DCLRE1C: variants seen among roughly 807,000 people sequenced by gnomAD.
DCLRE1C encodes the protein DNA cross-link repair 1C.
DCLRE1C carries 47 observed loss-of-function variants against 61.4 expected under a neutral mutation model. That is an observed-to-expected ratio of 0.77 (90% CI 0.61 to 0.98). The LOEUF (loss-of-function observed/expected upper bound fraction) is 0.98, where lower values mean the gene tolerates loss of function less well. Ranked by LOEUF, DCLRE1C falls within the 50% of genes least tolerant of loss-of-function variation. DCLRE1C has a pLI of 0.00. For missense variants in DCLRE1C, 858 were observed against 816.0 expected, an observed-to-expected ratio of 1.05 and a Z score of -0.63; for synonymous variants, 337 against 287.6, an observed-to-expected ratio of 1.17 and a Z score of -1.74.
At chr10:14,910,459 C>A (rs1176568675) in intron 13 of DCLRE1C, among the ~76,000 whole-genome samples, 1 of 152,180 alleles carries the variant, frequency 6.6e-6, no homozygotes, top group African/African-American at 2.4e-5. Flanking sequence ...GATCCACCCC[C>A]ATGCCCAGCT....
intron 9 of DCLRE1C, among the ~76,000 whole-genome samples, chr10:14,931,944 G>A (rs1839070654): frequency 6.6e-6 from 1 of 152,020 alleles, no homozygotes; most frequent in Non-Finnish European, 1.5e-5. Flanking sequence ...TGAGGCAGGA[G>A]AATCGCTTGA....
In DCLRE1C at chr10:14,933,467, T is replaced by A. The variant is rs543731573; in HGVS notation, c.679-512A>T. 1.7e-4 allele frequency among the ~76,000 whole-genome samples: 26 copies of A among 152,138 alleles called. No homozygotes were observed. The South Asian group carries it at 5.4e-3, about 32-fold the overall frequency. On this transcript the variant is annotated intron_variant, in intron 8 of 13. Coordinates refer to ENST00000378278, the MANE Select transcript of DCLRE1C (RefSeq NM_001033855.3). ...GCCTGGCCAACATGGTGAAGCCCCATCTCTACTAAAAATACAAAAATTAGC... is the reference window on the plus strand; with the variant it reads ...GCCTGGCCAACATGGTGAAGCCCCAACTCTACTAAAAATACAAAAATTAGC...
At chr10:14,903,745 G>A (rs997977359), downstream of DCLRE1C, 2 of 152,148 alleles carry the variant, frequency 1.3e-5, no homozygotes, top group African/African-American at 4.8e-5. Flanking sequence ...TTCTAATTGT[G>A]TTGTGAAAAT....
rs1415836473 is a variant in DCLRE1C at position 14,905,352 on chromosome 10, A to G, written c.*3056T>C. Among the ~76,000 whole-genome samples, 1 of 152,254 alleles carries G rather than the reference A, an allele frequency of 6.6e-6. No individual in the cohort carries two copies. The highest frequency in any genetic ancestry group is 1.5e-5 in the Non-Finnish European group (1 of 68,040). ...TTTTGAGCATTGTCACTCACCAGGTACGTAAACATACTATGGTAAGTACTG... is the reference window on the plus strand; with the variant it reads ...TTTTGAGCATTGTCACTCACCAGGTGCGTAAACATACTATGGTAAGTACTG... On this transcript the variant is annotated 3_prime_UTR_variant, in exon 14 of 14. Transcript: ENST00000378278.
At chr10:14,945,288 A>C in intron 2 of DCLRE1C, 99 bp from the exon 3 acceptor site, 19 of 1,423,224 alleles carry the variant, frequency 1.3e-5, no homozygotes, top group Non-Finnish European at 1.7e-5. Context: ...ATTTCATTTG[A>C]GACCAGTCTG....
chr10:14,945,034 T>A (rs1841464075), intron 3 of DCLRE1C, 71 bp downstream of exon 3: 1 of 1,218,120 alleles, frequency 8.2e-7, no homozygotes. Context: ...TGAGGCAAAG[T>A]TTTTGTCAAT....
chr10:14,897,709 A>G (rs1178093786), exon 14 of DCLRE1C: 3 of 406,854 alleles, frequency 7.4e-6, no homozygotes, highest in Non-Finnish European at 1.2e-5. Context: ...ATATGAATAA[A>G]AAATATACGT....
At chr10:14,899,371 T>C in intron 13 of DCLRE1C, 1 of 743,036 alleles carries the variant, frequency 1.3e-6, no homozygotes, top group Admixed American at 2.3e-5. Flanking sequence ...CCCCTCATTT[T>C]CCCACCTCTT....
intron 3 of DCLRE1C, among the ~76,000 whole-genome samples, chr10:14,942,735 T>G (rs1442766576): frequency 6.6e-6 from 1 of 152,134 alleles, no homozygotes; most frequent in African/African-American, 2.4e-5. Context: ...TGGACATGCC[T>G]GGTTTGAACT....
chr10:14,941,621 G>A (rs987022721), intron 3 of DCLRE1C, among the ~76,000 whole-genome samples: 1 of 152,046 alleles, frequency 6.6e-6, no homozygotes, highest in Non-Finnish European at 1.5e-5. Flanking sequence ...TTTCTTTATC[G>A]TACAATTTCC....
chr10:14,953,869 C>A, intron 1 of DCLRE1C, 33 bp downstream of exon 1: 1 of 1,612,856 alleles, frequency 6.2e-7, no homozygotes, highest in Non-Finnish European at 8.5e-7. Context: ...CCCCCAGCGC[C>A]CCGGGAGCGG....
chr10:14,939,858 T>A lies in DCLRE1C; in HGVS notation c.258A>T (p.Glu86Asp). ...AAGATATCTGGGTAGGAGTCTCGAT[T>A]TCAATAGATATCTATAAAAATAAAA... ...RFWKKRIISI[E>D]IETPTQISLV... The change falls in exon 4 of 14, where the codon GAA (glutamate) becomes GAT (aspartate). Residue 86 changes from glutamate (E) to aspartate (D), a missense_variant. By Grantham distance (45) the Glu-to-Asp change is conservative (BLOSUM62 2). Coordinates refer to ENST00000378278, the MANE Select transcript of DCLRE1C (RefSeq NM_001033855.3). The A allele has an allele frequency of 6.3e-7, 1 of 1,595,134 alleles. No homozygotes were observed. The highest frequency in any genetic ancestry group is 1.3e-5 in the African/African-American group (1 of 74,636).
chr10:14,934,304 G>C (rs1361408094), intron 8 of DCLRE1C, 76 bp downstream of exon 8: 6 of 1,577,392 alleles, frequency 3.8e-6, no homozygotes, highest in East Asian at 2.2e-5. Flanking sequence ...CTCCAGCCTG[G>C]GCAACATAGC....
At chr10:14,912,489 T>C (rs1588917769) in intron 13 of DCLRE1C, among the ~76,000 whole-genome samples, 1 of 152,232 alleles carries the variant, frequency 6.6e-6, no homozygotes, top group South Asian at 2.1e-4. Flanking sequence ...CAAATTTTCA[T>C]AGCATTATTA....
At chr10:14,900,009 C>A (rs1275631770), downstream of DCLRE1C, among the ~76,000 whole-genome samples, 1 of 152,034 alleles carries the variant, frequency 6.6e-6, no homozygotes, top group African/African-American at 2.4e-5. Context: ...GTAAAATGTC[C>A]AAGAATTACA....
chr10:14,902,664 G>A, downstream of DCLRE1C: 1 of 546,160 alleles, frequency 1.8e-6, no homozygotes, highest in Non-Finnish European at 3.2e-6. Flanking sequence ...TATTACCGAT[G>A]CCTCTGAAAA....
intron 9 of DCLRE1C, among the ~76,000 whole-genome samples, chr10:14,931,961 G>C (rs879911585): frequency 6.6e-6 from 1 of 152,142 alleles, no homozygotes. Context: ...TTGAACTCAG[G>C]AGGCAGAGGT....
In DCLRE1C at chr10:14,932,947, C is replaced by T. The variant is rs746051402; in HGVS notation, c.687G>A (p.Val229=). ...LSEELGVQVH[V]NKLDMFRNMP... Reference sequence around the variant, plus strand: ...TGTTCCTAAACATGTCTAGCTTATTCACATGAACCTAAGGCAAATAATACA... The same window carrying T: ...TGTTCCTAAACATGTCTAGCTTATTTACATGAACCTAAGGCAAATAATACA... The change falls in exon 9 of 14, where the codon GTG becomes GTA. Residue 229 remains valine, a synonymous_variant. Transcript: ENST00000378278. 3.1e-6 allele frequency: 5 copies of T among 1,614,142 alleles called. No homozygotes were observed. Among genetic ancestry groups the T allele is most frequent in the Non-Finnish European group, 4.2e-6 (5 of 1,180,006 alleles).
intron 4 of DCLRE1C, 60 bp downstream of exon 4, chr10:14,939,750 A>G: frequency 7.1e-7 from 1 of 1,411,126 alleles, no homozygotes; most frequent in Non-Finnish European, 9.9e-7. Flanking sequence ...AAAGAGAAAT[A>G]TAAACAATCA....
Sources: gnomAD v4.1 joint callset for allele counts (sites outside exome capture counted in the v4.1 genomes callset) on GRCh38, gnomAD v4.1.1 for gene constraint, MANE v1.5 for transcripts, NCBI Gene and HGNC (gene_info 2026-07-23, HGNC 2026-07-21) for gene names.